Variants in FIG4 observed in about 807,000 individuals in gnomAD.
FIG4 encodes the protein polyphosphoinositide phosphatase.
Under a neutral mutation model 118.6 loss-of-function variants are expected in FIG4, and 112 were observed. The ratio of observed to expected loss-of-function variants is 0.94; its 90% confidence interval spans 0.81 to 1.11. The LOEUF (loss-of-function observed/expected upper bound fraction) is 1.11, where lower values mean the gene tolerates loss of function less well. Ranked by LOEUF, FIG4 falls within the 50% of genes least tolerant of loss-of-function variation. FIG4 has a pLI of 0.00. For synonymous variants in FIG4, 369 were observed against 381.2 expected (o/e 0.97, Z 0.37); for missense variants, 969 against 1,111.7 (o/e 0.87, Z 1.83).
At chr6:109,771,445 G>A (rs1777456092) in intron 15 of FIG4, among the ~76,000 whole-genome samples, 1 of 148,802 alleles carries the variant, frequency 6.7e-6, no homozygotes, top group Non-Finnish European at 1.5e-5. Flanking sequence ...TTATTGAAAG[G>A]GAACTTCCTC....
chr6:109,747,915 T>C (rs1000533842), intron 10 of FIG4, among the ~76,000 whole-genome samples: 1 of 152,070 alleles, frequency 6.6e-6, no homozygotes, highest in African/African-American at 2.4e-5. Context: ...TCTCCCAAAG[T>C]GCTGGGATTA....
At chr6:109,809,882 T>C (rs1778672746) in intron 22 of FIG4, among the ~76,000 whole-genome samples, 1 of 152,150 alleles carries the variant, frequency 6.6e-6, no homozygotes, top group Admixed American at 6.5e-5. Context: ...CCAGAGCTGG[T>C]GGATTCAGGG....
intron 1 of FIG4, among the ~76,000 whole-genome samples, chr6:109,713,275 G>A (rs1460441052): frequency 6.6e-6 from 1 of 152,204 alleles, no homozygotes; most frequent in African/African-American, 2.4e-5. Flanking sequence ...GCCTCCATGT[G>A]GGCATTCACA....
intron 1 of FIG4, among the ~76,000 whole-genome samples, chr6:109,712,413 AT>A (rs766765783): frequency 1.3e-5 from 2 of 151,950 alleles, no homozygotes; most frequent in Non-Finnish European, 2.9e-5. Context: ...TCTTTACATA[AT>A]CCCACATTAC....
intron 15 of FIG4, among the ~76,000 whole-genome samples, chr6:109,767,179 G>T (rs2128392694): frequency 6.6e-6 from 1 of 152,042 alleles, no homozygotes; most frequent in African/African-American, 2.4e-5. Flanking sequence ...CTATTTTTCT[G>T]CTTGCAGTAT....
intron 1 of FIG4, among the ~76,000 whole-genome samples, chr6:109,709,465 G>C (rs1265409865): frequency 6.6e-6 from 1 of 152,146 alleles, no homozygotes; most frequent in African/African-American, 2.4e-5. Flanking sequence ...GGTTCCATAT[G>C]AATTTTAAGA....
Position 109,760,237 on chromosome 6 carries a change from A to G in FIG4, c.1138-13A>G. ...GAAATTAGAACACTGAAAATGTTTA[A>G]TTTTTGATAAAGGAACGAGAGAAAA... On this transcript the variant is annotated splice_polypyrimidine_tract_variant and intron_variant, in intron 10 of 22. Coordinates refer to ENST00000230124, the MANE Select transcript of FIG4 (RefSeq NM_014845.6). 6.2e-7 allele frequency: 1 copy of G among 1,610,340 alleles called. No homozygotes were observed. The highest frequency in any genetic ancestry group is 8.5e-7 in the Non-Finnish European group (1 of 1,176,672).
intron 1 of FIG4, among the ~76,000 whole-genome samples, chr6:109,701,332 A>G (rs886255084): frequency 6.6e-6 from 1 of 152,216 alleles, no homozygotes; most frequent in Admixed American, 6.5e-5. Flanking sequence ...ACTAACAGTC[A>G]TACAGCCCAG....
intron 16 of FIG4, among the ~76,000 whole-genome samples, chr6:109,778,240 T>C (rs1167362691): frequency 6.6e-6 from 1 of 151,624 alleles, no homozygotes; most frequent in Admixed American, 6.6e-5. Flanking sequence ...GCGGGAGGAT[T>C]ACCTGAGGTC....
At chr6:109,786,903 C>G (rs1468319597) in intron 18 of FIG4, among the ~76,000 whole-genome samples, 1 of 152,120 alleles carries the variant, frequency 6.6e-6, no homozygotes, top group Non-Finnish European at 1.5e-5. Flanking sequence ...TCTTCTTTCT[C>G]TCTCCCCCAC....
intron 15 of FIG4, among the ~76,000 whole-genome samples, chr6:109,776,647 A>T (rs1275247993): frequency 1.3e-5 from 2 of 152,182 alleles, no homozygotes; most frequent in Non-Finnish European, 2.9e-5. Context: ...GTTCTTAAAG[A>T]TGTTTAAGTG....
Position 109,732,617 on chromosome 6 carries a change from C to CTT in FIG4, c.447-18_447-17dup, listed in dbSNP as rs764540259. On this transcript the variant is annotated intron_variant, in intron 4 of 22. Coordinates refer to ENST00000230124, the MANE Select transcript of FIG4 (RefSeq NM_014845.6). The stretch of plus-strand genomic sequence containing the variant: ...AATAGTATTGGACAAATGAAATGTA[C>CTT]TTTGTTTTTTTTTTTTTAGGTATCT... 272 of 1,033,230 alleles carry CTT rather than the reference C, an allele frequency of 2.6e-4. No homozygotes were observed. The highest frequency in any genetic ancestry group is 6.3e-4 in the Middle Eastern group (3 of 4,774). 64.0% of individuals were successfully genotyped at this position (1,033,230 alleles called of 1,614,324 possible). A position where few individuals can be genotyped will look rare whatever the true frequency, so the allele number is the denominator to read the frequency against.
At position 109,735,205 on chromosome 6, in the gene FIG4, C is replaced by G. The variant is rs1317532051; in HGVS notation, c.553C>G (p.Pro185Ala). 3 of 1,612,248 alleles carry G rather than the reference C, an allele frequency of 1.9e-6. No individual in the cohort carries two copies. The highest frequency in any genetic ancestry group is 2.7e-5 in the African/African-American group (2 of 74,952). Residue 185 changes from proline to alanine, a missense_variant, in exon 6 of 23, where the codon CCC (proline) becomes GCC (alanine). Physicochemically the swap from Pro to Ala is conservative, Grantham distance 27 (BLOSUM62 -1). This residue lies in a region of FIG4 where 393 missense variants were observed against 409.4 expected (regional missense o/e 0.96). Transcript: ENST00000230124. ...LQYNLTVLRM[P>A]LEMLKSEMTQ... ...ATATAATCTCACTGTCTTGCGAATG[C>G]CCCTGGAGATGTTAAAGTCAGAAAT... is the stretch of plus-strand genomic sequence containing the variant.
intron 10 of FIG4, among the ~76,000 whole-genome samples, chr6:109,749,874 T>C (rs1273403167): frequency 1.3e-5 from 2 of 152,174 alleles, no homozygotes; most frequent in Non-Finnish European, 2.9e-5. Flanking sequence ...ATCCTGACAA[T>C]GACTAGAAGT....
At chr6:109,788,573 AC>A (rs1256494416) in intron 18 of FIG4, among the ~76,000 whole-genome samples, 5 of 152,224 alleles carry the variant, frequency 3.3e-5, no homozygotes, top group African/African-American at 1.2e-4. Context: ...GTCTGCAGTG[AC>A]TGTGAAAGTA....
chr6:109,816,963 G>A (rs866617871), intron 22 of FIG4, among the ~76,000 whole-genome samples: 2 of 152,314 alleles, frequency 1.3e-5, no homozygotes, highest in South Asian at 2.1e-4. Context: ...AGTGGCTACC[G>A]CTGCTTCTGT....
At chr6:109,753,993 A>C (rs1021669845) in intron 10 of FIG4, among the ~76,000 whole-genome samples, 1 of 152,146 alleles carries the variant, frequency 6.6e-6, no homozygotes, top group African/African-American at 2.4e-5. Flanking sequence ...AGGAGTGGTG[A>C]GAGAGGGCAT....
intron 17 of FIG4, chr6:109,785,731 T>C (rs1337696024): frequency 6.4e-6 from 3 of 469,726 alleles, no homozygotes; most frequent in African/African-American, 2.0e-5. Context: ...CATCTAGTCA[T>C]GCTTCAGCAT....
In FIG4 at chr6:109,691,400, TC is replaced by T; in HGVS notation, c.-35del. On this transcript the variant is annotated 5_prime_UTR_variant, in exon 1 of 23. Coordinates refer to ENST00000230124, the MANE Select transcript of FIG4 (RefSeq NM_014845.6). ...GAGTCTCCTGGGGCGGTCCGGAGGC[TC>T]GTGCCCTGTTGTGGGGCCCCCATTT... 6.5e-7 allele frequency: 1 copy of T among 1,549,550 alleles called. No individual in the cohort carries two copies. The highest frequency in any genetic ancestry group is 8.7e-7 in the Non-Finnish European group (1 of 1,142,928).
Sources: gnomAD v4.1 joint callset for allele counts (sites outside exome capture counted in the v4.1 genomes callset) on GRCh38, gnomAD v4.1.1 for gene constraint, gnomAD v4.1.1 regional missense constraint, MANE v1.5 for transcripts, NCBI Gene and HGNC (gene_info 2026-07-23, HGNC 2026-07-21) for gene names.